DNAH9: variants seen among roughly 807,000 people sequenced by gnomAD.
DNAH9 encodes DNAH9 variant protein.
Under a neutral mutation model 471.6 loss-of-function variants are expected in DNAH9, and 345 were observed. The ratio of observed to expected loss-of-function variants is 0.73; its 90% CI spans 0.67 to 0.80. The LOEUF (loss-of-function observed/expected upper bound fraction) is 0.80, where lower values mean the gene tolerates loss of function less well. DNAH9 is among the 30% of genes least tolerant of loss of function. The pLI, the probability that DNAH9 is intolerant of heterozygous loss-of-function variation, is 0.00. For synonymous variants in DNAH9, 2,093 were observed against 2,123.6 expected (o/e 0.99, Z 0.40); for missense variants, 5,407 against 5,609.2 (o/e 0.96, Z 1.15).
intron 48 of DNAH9, among the ~76,000 whole-genome samples, chr17:11,830,366 A>G (rs1412501961): frequency 6.6e-6 from 1 of 152,198 alleles, no homozygotes; most frequent in Non-Finnish European, 1.5e-5. Flanking sequence ...AAAGACCTCA[A>G]GGCCATTGCC....
chr17:11,612,132 G>T, intron 4 of DNAH9: 1 of 542,144 alleles, frequency 1.8e-6, no homozygotes, highest in South Asian at 2.2e-5. Context: ...TCCTGGAGCT[G>T]TCCCTTTGTG....
intron 8 of DNAH9, 83 bp downstream of exon 8, chr17:11,632,786 C>T (rs1483259846): frequency 1.5e-6 from 1 of 651,936 alleles, no homozygotes; most frequent in African/African-American, 1.8e-5. Context: ...ACCTTTCCAC[C>T]TGTTCTGTTC....
chr17:11,729,059 A>G (rs1410172813), intron 28 of DNAH9, among the ~76,000 whole-genome samples: 2 of 152,224 alleles, frequency 1.3e-5, no homozygotes, highest in African/African-American at 4.8e-5. Flanking sequence ...TGCCTTCCTC[A>G]GCAGGCATCA....
In DNAH9 at chr17:11,932,185, T is replaced by C. The variant is rs1421951877; in HGVS notation, c.12277T>C (p.Phe4093Leu). The change falls in exon 64 of 69, where the codon TTC becomes CTC. Residue 4093 changes from phenylalanine (F) to leucine (L), a missense_variant. Phe to Leu is a conservative substitution (Grantham distance 22). This residue lies in a region of DNAH9 where 4,636 missense variants were observed against 4,900.3 expected (regional missense o/e 0.95). Coordinates refer to ENST00000262442, the MANE Select transcript of DNAH9 (RefSeq NM_001372.4). The surrounding 1 kb of genome is among the most constrained non-coding windows in gnomAD (Gnocchi z 4.3). ...LTISVNVLYNFLEANAKVPYD... is the reference protein window; with the variant it reads ...LTISVNVLYNLLEANAKVPYD... The stretch of plus-strand genomic sequence containing the variant: ...TATCTCTGTGAATGTCCTCTACAAC[T>C]TCCTGGAGGCCAACGCAAAGGTAAA... 1 of 1,613,946 alleles carries C rather than the reference T, an allele frequency of 6.2e-7. No homozygotes were observed. Among genetic ancestry groups the C allele is most frequent in the Admixed American group, 1.7e-5 (1 of 60,008 alleles).
chr17:11,809,591 A>G (rs1291208982), intron 44 of DNAH9, among the ~76,000 whole-genome samples: 1 of 151,946 alleles, frequency 6.6e-6, no homozygotes, highest in African/African-American at 2.4e-5. Flanking sequence ...AAAAAATAAA[A>G]ACTACAAGAC....
intron 6 of DNAH9, among the ~76,000 whole-genome samples, chr17:11,620,301 T>A (rs1281136162): frequency 2.6e-5 from 4 of 151,642 alleles, no homozygotes; most frequent in African/African-American, 9.7e-5. Context: ...GATCATGAGG[T>A]CAGGAGTTCG....
At chr17:11,762,770 G>GTTTGTTTTGTTTTTTTT in intron 35 of DNAH9, among the ~76,000 whole-genome samples, 1 of 90,744 alleles carries the variant, frequency 1.1e-5, no homozygotes, top group Non-Finnish European at 2.2e-5. Context: ...TTTTTTTTTT[G>GTTTGTTTTGTTTTTTTT]TTTTTTTTTT....
chr17:11,730,721 A>G (rs1433389278), intron 28 of DNAH9, among the ~76,000 whole-genome samples: 1 of 151,714 alleles, frequency 6.6e-6, no homozygotes, highest in African/African-American at 2.4e-5. Flanking sequence ...CACTCAATAA[A>G]TGCTTTGTTG....
At chr17:11,748,283 T>A (rs1403737649) in intron 32 of DNAH9, among the ~76,000 whole-genome samples, 1 of 151,738 alleles carries the variant, frequency 6.6e-6, no homozygotes, top group Non-Finnish European at 1.5e-5. Context: ...GCCAAGATCG[T>A]GCCACTGCAC....
intron 24 of DNAH9, among the ~76,000 whole-genome samples, chr17:11,701,962 G>T (rs547072853): frequency 6.6e-6 from 1 of 152,190 alleles, no homozygotes; most frequent in Non-Finnish European, 1.5e-5. Context: ...GATTACAGAC[G>T]TGAGCCTCCG....
Position 11,762,770 on chromosome 17 carries a change from G to GTTTT in DNAH9, c.6996-646_6996-643dup, listed in dbSNP as rs563544881. ...CCTCTTTAGGTGCGTTTTTTTTTTT[G>GTTTT]TTTTTTTTTTTTTTTTTTTTTTTTT... On this transcript the variant is annotated intron_variant, in intron 35 of 68. Transcript: ENST00000262442. Among the ~76,000 whole-genome samples the GTTTT allele has an allele frequency of 5.1e-4, 46 of 90,774 alleles. 4 individuals carry two copies. Among genetic ancestry groups the GTTTT allele is most frequent in the Admixed American group, 6.9e-4 (5 of 7,266 alleles). The allele number at this position is 90,774 out of a possible 152,430, so 59.6% of individuals were successfully genotyped here. A position where few individuals can be genotyped will look rare whatever the true frequency, so the allele number is the denominator to read the frequency against.
At chr17:11,823,410 CT>C (rs1413530567) in intron 48 of DNAH9, among the ~76,000 whole-genome samples, 1 of 152,146 alleles carries the variant, frequency 6.6e-6, no homozygotes, top group Non-Finnish European at 1.5e-5. Context: ...TTTGCAATTT[CT>C]TCGTTTTCCT....
At chr17:11,824,785 C>T (rs1277020740) in intron 48 of DNAH9, among the ~76,000 whole-genome samples, 1 of 152,096 alleles carries the variant, frequency 6.6e-6, no homozygotes, top group South Asian at 2.1e-4. Flanking sequence ...TACAGTTTCA[C>T]AGAAACTGTC....
chr17:11,746,568 G>A (rs540034192), intron 31 of DNAH9, among the ~76,000 whole-genome samples: 2 of 152,124 alleles, frequency 1.3e-5, no homozygotes, highest in Non-Finnish European at 2.9e-5. Context: ...AGAACAGCAT[G>A]GGGGAAACTG....
intron 48 of DNAH9, among the ~76,000 whole-genome samples, chr17:11,827,059 A>T (rs1259515969): frequency 2.0e-5 from 3 of 151,742 alleles, no homozygotes; most frequent in Non-Finnish European, 4.4e-5. Context: ...TCTTAACCTC[A>T]AGTGATCCAC....
intron 2 of DNAH9, 22 bp downstream of exon 2, chr17:11,608,347 A>G (rs1330184683): frequency 1.3e-6 from 2 of 1,563,572 alleles, no homozygotes; most frequent in African/African-American, 2.7e-5. Flanking sequence ...CAGCCTGGCC[A>G]TATGGGCCTC....
intron 49 of DNAH9, among the ~76,000 whole-genome samples, chr17:11,843,863 G>GTGTATA (rs1253794533): frequency 1.4e-3 from 63 of 46,474 alleles, no homozygotes; most frequent in African/African-American, 4.8e-3. Flanking sequence ...GTGTGTGTGT[G>GTGTATA]TATATATATA....
chr17:11,947,780 T>TA lies in DNAH9; in HGVS notation c.12843+5295_12843+5296insA, dbSNP rs1567569910. Among the ~76,000 whole-genome samples, 28 of 139,862 alleles carry TA rather than the reference T, an allele frequency of 2.0e-4. 1 individual carries two copies. The highest frequency in any genetic ancestry group is 1.1e-3 in the Admixed American group (15 of 13,922). 91.8% of individuals were successfully genotyped at this position (139,862 alleles called of 152,430 possible). On this transcript the variant is annotated intron_variant, in intron 67 of 68. Transcript: ENST00000262442. ...GGGAGGGGCTGGGAACTATTTTTTT[T>TA]TTTTTTTTTTTTTTTTTTTGAGACA... is the stretch of plus-strand genomic sequence containing the variant.
chr17:11,610,443 T>C lies in DNAH9; in HGVS notation c.662T>C (p.Val221Ala), dbSNP rs369619985. 1.6e-5 allele frequency: 26 copies of C among 1,613,614 alleles called. 1 individual carries two copies. In the Middle Eastern group the frequency reaches 6.7e-4, roughly 42 times the overall value. ...GTCATCTATGCCATTGAGTCTGCAGTGATCAAATGGAGCTACCAAGTCCAG... is the reference window on the plus strand; with the variant it reads ...GTCATCTATGCCATTGAGTCTGCAGCGATCAAATGGAGCTACCAAGTCCAG... ...KSVIYAIESA[V>A]IKWSYQVQVV... The change falls in exon 3 of 69, where the codon GTG becomes GCG. Residue 221 changes from valine to alanine, a missense_variant. By Grantham distance (64) the Val-to-Ala change is moderately conservative (BLOSUM62 0). This residue lies in a region of DNAH9 where 767 missense variants were observed against 692.5 expected (regional missense o/e 1.11). Coordinates refer to ENST00000262442, the MANE Select transcript of DNAH9 (RefSeq NM_001372.4).
Sources: gnomAD v4.1 joint callset for allele counts (sites outside exome capture counted in the v4.1 genomes callset) on GRCh38, gnomAD v4.1.1 for gene constraint, gnomAD v4.1.1 regional missense constraint, Gnocchi (gnomAD v3.1) non-coding constraint, MANE v1.5 for transcripts, NCBI Gene and HGNC (gene_info 2026-07-23, HGNC 2026-07-21) for gene names.